The following RPS6KC1 variants were observed in gnomAD, a reference collection of about 807,000 sequenced individuals.
RPS6KC1 encodes inactive ribosomal protein S6 kinase delta-1.
RPS6KC1 carries 54 observed loss-of-function variants against 103.8 expected under a neutral mutation model. That is an observed-to-expected ratio of 0.52 (90% CI 0.42 to 0.65). The LOEUF (loss-of-function observed/expected upper bound fraction) is 0.65, where lower values mean the gene tolerates loss of function less well. Among genes scored for constraint, RPS6KC1 ranks in the 30% least tolerant of loss-of-function variants. The pLI is 0.00. For synonymous variants in RPS6KC1, 439 were observed against 438.7 expected (o/e 1.00, Z -0.01); for missense variants, 1,151 against 1,253.8 (o/e 0.92, Z 1.24).
At chr1:213,671,953 T>TAAA in the RPS6KC1 span, among the ~76,000 whole-genome samples, 1 of 147,014 alleles carries the variant, frequency 6.8e-6, no homozygotes, top group African/African-American at 2.5e-5. Context: ...AAAATAAAGC[T>TAAA]AAAAAAAAAA....
the RPS6KC1 span, among the ~76,000 whole-genome samples, chr1:213,666,153 CCTCAAAGG>C: frequency 6.6e-6 from 1 of 152,186 alleles, no homozygotes; most frequent in East Asian, 1.9e-4. Context: ...CTGGCTGGGA[CCTCAAAGG>C]ATAAACAATA....
chr1:213,145,266 G>A (rs537747245), intron 6 of RPS6KC1, among the ~76,000 whole-genome samples: 4 of 152,244 alleles, frequency 2.6e-5, no homozygotes, highest in African/African-American at 9.6e-5. Context: ...GAATTTCTAG[G>A]TTGTGGTGCA....
At chr1:213,152,974 C>T (rs1251187049) in intron 6 of RPS6KC1, among the ~76,000 whole-genome samples, 2 of 152,254 alleles carry the variant, frequency 1.3e-5, no homozygotes, top group Admixed American at 1.3e-4. Context: ...GAACGAGACT[C>T]CATCTGCAAT....
In RPS6KC1 at chr1:213,198,330, A is replaced by G. The variant is rs535799824; in HGVS notation, c.1044+21838A>G. On this transcript the variant is annotated intron_variant, in intron 8 of 14. Coordinates refer to ENST00000366960, the MANE Select transcript of RPS6KC1 (RefSeq NM_012424.6). ...CTGCTGAACTATCTGCTTTTAATCT[A>G]AATAGGTTTTCTTTTATAGGTTACT... 5.3e-5 allele frequency among the ~76,000 whole-genome samples: 8 copies of G among 152,266 alleles called. No individual in the cohort carries two copies. The South Asian group carries it at 8.3e-4, about 16-fold the overall frequency.
the RPS6KC1 span, among the ~76,000 whole-genome samples, chr1:213,806,878 T>C: frequency 1.3e-5 from 2 of 151,842 alleles, no homozygotes; most frequent in South Asian, 2.1e-4. Flanking sequence ...CTAGTCTTGA[T>C]GGTCTTTACA....
the RPS6KC1 span, among the ~76,000 whole-genome samples, chr1:213,344,526 A>G: frequency 6.6e-6 from 1 of 151,584 alleles, no homozygotes; most frequent in Non-Finnish European, 1.5e-5. Context: ...CTTATAAGTT[A>G]CCTACTTATT....
At chr1:213,802,193 A>C in the RPS6KC1 span, among the ~76,000 whole-genome samples, 1 of 152,232 alleles carries the variant, frequency 6.6e-6, no homozygotes, top group South Asian at 2.1e-4. Flanking sequence ...GCTATGTGCC[A>C]ACTGTAGAGG....
chr1:213,142,714 G>T (rs2087216876), intron 6 of RPS6KC1, among the ~76,000 whole-genome samples: 1 of 152,110 alleles, frequency 6.6e-6, no homozygotes, highest in Non-Finnish European at 1.5e-5. Context: ...CAACATAAAA[G>T]CAGTATTCCC....
the RPS6KC1 span, among the ~76,000 whole-genome samples, chr1:213,620,440 T>C: frequency 1.3e-5 from 2 of 152,324 alleles, no homozygotes; most frequent in East Asian, 3.9e-4. Flanking sequence ...AATGAGGAAA[T>C]CAACCTTCTT....
chr1:213,779,244 G>A, the RPS6KC1 span, among the ~76,000 whole-genome samples: 6,543 of 152,234 alleles, frequency 0.043, 281 homozygotes, highest in Non-Finnish European at 0.055. Flanking sequence ...GTGCCATAAG[G>A]AGGCATAGCA....
chr1:213,689,495 G>A, the RPS6KC1 span, among the ~76,000 whole-genome samples: 6 of 152,200 alleles, frequency 3.9e-5, no homozygotes, highest in African/African-American at 1.4e-4. Context: ...CTGCCTCTTA[G>A]GTGTTCTCCC....
At chr1:213,366,305 C>T in the RPS6KC1 span, among the ~76,000 whole-genome samples, 2 of 152,202 alleles carry the variant, frequency 1.3e-5, no homozygotes, top group Admixed American at 6.5e-5. Flanking sequence ...GAATGGGAAA[C>T]GACTCTGTGA....
chr1:213,372,429 C>T, the RPS6KC1 span, among the ~76,000 whole-genome samples: 96 of 152,304 alleles, frequency 6.3e-4, no homozygotes, highest in African/African-American at 2.1e-3. Context: ...CATAGATAGG[C>T]CTGGCCTTAC....
intron 10 of RPS6KC1, among the ~76,000 whole-genome samples, chr1:213,237,663 A>G (rs1006382455): frequency 1.2e-4 from 19 of 152,122 alleles, no homozygotes; most frequent in African/African-American, 4.3e-4. Flanking sequence ...CTGACCAAGC[A>G]AATTAACAAA....
the RPS6KC1 span, among the ~76,000 whole-genome samples, chr1:213,846,028 C>A: frequency 6.6e-6 from 1 of 151,476 alleles, no homozygotes; most frequent in African/African-American, 2.4e-5. Context: ...CGGGGTGGCT[C>A]ACACCCGTAA....
the RPS6KC1 span, among the ~76,000 whole-genome samples, chr1:213,775,496 T>C: frequency 1.3e-5 from 2 of 152,212 alleles, no homozygotes; most frequent in Non-Finnish European, 2.9e-5. Context: ...ATAAAAGTTA[T>C]GTCTACACTA....
chr1:213,674,811 A>G, the RPS6KC1 span, among the ~76,000 whole-genome samples: 1 of 151,846 alleles, frequency 6.6e-6, no homozygotes. Context: ...TCTTTTTTTT[A>G]ACTTTTTAAT....
chr1:213,070,923 A>C, intron 1 of RPS6KC1, 83 bp from the exon 2 acceptor site: 1 of 842,322 alleles, frequency 1.2e-6, no homozygotes, highest in African/African-American at 1.8e-5. Context: ...TTTTCATACA[A>C]ATACTATTGG....
the RPS6KC1 span, among the ~76,000 whole-genome samples, chr1:213,594,874 A>G: frequency 2.6e-5 from 4 of 152,116 alleles, no homozygotes; most frequent in African/African-American, 9.7e-5. Flanking sequence ...GAGGGTGGAG[A>G]GGATGTCAAA....
Sources: gnomAD v4.1 joint callset for allele counts (sites outside exome capture counted in the v4.1 genomes callset) on GRCh38, gnomAD v4.1.1 for gene constraint, MANE v1.5 for transcripts, NCBI Gene and HGNC (gene_info 2026-07-23, HGNC 2026-07-21) for gene names.